Variants in ZNF436 observed in about 807,000 individuals in gnomAD.
ZNF436 encodes the protein zinc finger protein 436.
ZNF436 carries 22 observed loss-of-function variants against 41.9 expected under a neutral mutation model. The observed-to-expected ratio is 0.53, with a 90% confidence interval of 0.38 to 0.75. The LOEUF (loss-of-function observed/expected upper bound fraction) is 0.75. Among genes scored for constraint, ZNF436 ranks in the 30% least tolerant of loss-of-function variants. The probability of loss-of-function intolerance (pLI) is 0.00; values close to 1 mark genes in which losing one functional copy is unlikely to be tolerated. For synonymous variants in ZNF436, 217 were observed against 197.8 expected, an observed-to-expected ratio of 1.10 and a Z score of -0.82; for missense variants, 506 against 587.3, an observed-to-expected ratio of 0.86 and a Z score of 1.43.
rs529377302 is a variant in ZNF436 at position 23,367,127 on chromosome 1, C to G, written c.75G>C (p.Arg25=). The change falls in exon 3 of 4, where the codon CGG becomes CGC. Residue 25 remains arginine (R), a synonymous_variant. Coordinates refer to ENST00000314011, the MANE Select transcript of ZNF436 (RefSeq NM_001077195.2). ...TFEDMAMYLT[R]EEWRPLDAAQ... Reference sequence around the variant, plus strand: ...CAGCGTCCAGAGGTCTCCATTCTTCCCGGGTGAGATACATGGCCATATCTT... The same window carrying G: ...CAGCGTCCAGAGGTCTCCATTCTTCGCGGGTGAGATACATGGCCATATCTT... 9.3e-6 allele frequency: 15 copies of G among 1,613,586 alleles called. No homozygotes were observed. The South Asian group carries it at 1.5e-4, about 17-fold the overall frequency.
intron 3 of ZNF436, 29 bp from the exon 4 acceptor site, chr1:23,363,250 G>GT (rs1288410681): frequency 6.3e-7 from 1 of 1,578,130 alleles, no homozygotes; most frequent in Admixed American, 1.8e-5. Context: ...AATAAGACTA[G>GT]TAAGTACAAA....
rs772395778 is a variant in ZNF436, at chr1:23,362,339, T to C, written c.1043A>G (p.His348Arg). The change falls in exon 4 of 4, where the codon CAC becomes CGC. Residue 348 changes from histidine to arginine, a missense_variant. Physicochemically the swap from His to Arg is conservative, Grantham distance 29. Around this residue, in one of 2 missense-constraint regions of ZNF436, gnomAD observed 278 missense variants for 372.1 expected, o/e 0.75. Transcript: ENST00000314011. ...GTGAGTTCTCTGGTGCTGAACCAAG[T>C]GTGAGATGCGGCTGAAATTTTCCCC... The part of the protein sequence containing the change: ...ECGENFSRIS[H>R]LVQHQRTHTG... 1.9e-6 allele frequency: 3 copies of C among 1,613,786 alleles called. No individual in the cohort carries two copies. Among genetic ancestry groups the C allele is most frequent in the Non-Finnish European group, 2.5e-6 (3 of 1,179,956 alleles).
intron 3 of ZNF436, among the ~76,000 whole-genome samples, chr1:23,365,774 C>A (rs1304244907): frequency 6.6e-6 from 1 of 151,176 alleles, no homozygotes; most frequent in African/African-American, 2.4e-5. Flanking sequence ...AAGAATTAGC[C>A]GGGCAAGGTG....
At chr1:23,365,252 C>T (rs10917373) in intron 3 of ZNF436, among the ~76,000 whole-genome samples, 88,139 of 150,600 alleles carry the variant, frequency 0.59, 29,623 homozygotes, top group Non-Finnish European at 0.74. Context: ...AAAAACTAGC[C>T]GAGTGTGGTG....
chr1:23,366,977 G>A, intron 3 of ZNF436, 65 bp downstream of exon 3: 1 of 1,567,450 alleles, frequency 6.4e-7, no homozygotes, highest in Non-Finnish European at 8.7e-7. Flanking sequence ...TGTGTTGAAA[G>A]AACTAAGTCA....
intron 3 of ZNF436, 97 bp downstream of exon 3, chr1:23,366,945 T>A: frequency 7.2e-7 from 1 of 1,387,726 alleles, no homozygotes; most frequent in Non-Finnish European, 9.7e-7. Flanking sequence ...ATTAAGTGCT[T>A]TAAAAAATCA....
chr1:23,369,178 C>T, intron 1 of ZNF436, 188 bp downstream of exon 1: 3 of 385,518 alleles, frequency 7.8e-6, no homozygotes, highest in Non-Finnish European at 5.4e-6. Context: ...CAGGCCCCTG[C>T]GGGGGGGGCG....
rs985501967 is a variant in ZNF436 at position 23,362,357 on chromosome 1, T to C, written c.1025A>G (p.Asn342Ser). ...AACCAAGTGTGAGATGCGGCTGAAA[T>C]TTTCCCCACATTCGTTACAGTGGTA... ...KPYHCNECGE[N>S]FSRISHLVQH... is the part of the protein sequence containing the mutation. The change falls in exon 4 of 4, where the codon AAT becomes AGT. Residue 342 changes from asparagine (N) to serine (S), a missense_variant. By Grantham distance (46) the Asn-to-Ser change is conservative. This residue lies in a region of ZNF436 where 278 missense variants were observed against 372.1 expected (regional missense o/e 0.75). Transcript: ENST00000314011. The C allele has an allele frequency of 2.5e-6, 4 of 1,610,412 alleles. No homozygotes were observed. Among genetic ancestry groups the C allele is most frequent in the South Asian group, 1.1e-5 (1 of 90,888 alleles).
intron 2 of ZNF436, among the ~76,000 whole-genome samples, chr1:23,367,733 T>TAGA (rs1367903612): frequency 6.6e-6 from 1 of 152,246 alleles, no homozygotes; most frequent in African/African-American, 2.4e-5. Context: ...AGCTGTGAGC[T>TAGA]AGAAGGTAGC....
chr1:23,368,836 C>T (rs1402939786), intron 1 of ZNF436, among the ~76,000 whole-genome samples: 1 of 152,212 alleles, frequency 6.6e-6, no homozygotes. Context: ...GCCCACTCCC[C>T]AGGGGAGACT....
chr1:23,368,006 C>T lies in ZNF436; in HGVS notation c.-1G>A, dbSNP rs1313223694. 1 of 1,614,008 alleles carries T rather than the reference C, an allele frequency of 6.2e-7. No individual in the cohort carries two copies. The highest frequency in any genetic ancestry group is 8.5e-7 in the Non-Finnish European group (1 of 1,180,030). On this transcript the variant is annotated 5_prime_UTR_variant, in exon 2 of 4. Coordinates refer to ENST00000314011, the MANE Select transcript of ZNF436 (RefSeq NM_001077195.2). ...CAGCCATGAGCAGGGTGGCTGCCAT[C>T]TCGAGCACAAGGGTTCGCCTCCAGG...
chr1:23,365,199 C>T (rs1464291412), intron 3 of ZNF436, among the ~76,000 whole-genome samples: 2 of 151,168 alleles, frequency 1.3e-5, no homozygotes, highest in African/African-American at 4.9e-5. Flanking sequence ...CGAGACCATC[C>T]TGGCTAACAC....
intron 2 of ZNF436, among the ~76,000 whole-genome samples, chr1:23,367,612 T>C (rs1485998619): frequency 1.3e-5 from 2 of 152,208 alleles, no homozygotes; most frequent in African/African-American, 2.4e-5. Flanking sequence ...GCCGACTTCT[T>C]GGGAGTGATT....
chr1:23,369,607 G>A lies in ZNF436; in HGVS notation c.-302C>T. 1.9e-6 allele frequency: 1 copy of A among 530,170 alleles called. No homozygotes were observed. Among genetic ancestry groups the A allele is most frequent in the South Asian group, 1.4e-5 (1 of 71,476 alleles). The allele number at this position is 530,170 out of a possible 1,614,324, so 32.8% of individuals were successfully genotyped here. A position where few individuals can be genotyped will look rare whatever the true frequency, so the allele number is the denominator to read the frequency against. ...TCCCGAGGCCTCAGACTCGCAGGCA[G>A]CTCAGAAACCACAGGCTCATAGGCA... On this transcript the variant is annotated 5_prime_UTR_variant, in exon 1 of 4. Coordinates refer to ENST00000314011, the MANE Select transcript of ZNF436 (RefSeq NM_001077195.2).
chr1:23,367,139 C>CA lies in ZNF436; in HGVS notation c.62dup (p.Met21IlefsTer36). The CA allele has an allele frequency of 6.2e-7, 1 of 1,613,432 alleles. No homozygotes were observed. The highest frequency in any genetic ancestry group is 8.5e-7 in the Non-Finnish European group (1 of 1,179,624). On this transcript the variant is annotated frameshift_variant, in exon 3 of 4. Coordinates refer to ENST00000314011, the MANE Select transcript of ZNF436 (RefSeq NM_001077195.2). LOFTEE classifies it high-confidence loss of function. ...GTCTCCATTCTTCCCGGGTGAGATA[C>CA]ATGGCCATATCTTCAAACGTCACAG...
chr1:23,368,253 A>G (rs1191209527), intron 1 of ZNF436, 188 bp from the exon 2 acceptor site: 3 of 556,204 alleles, frequency 5.4e-6, no homozygotes, highest in Non-Finnish European at 9.7e-6. Flanking sequence ...CAATGCCGGA[A>G]TCTACTAGGA....
At chr1:23,366,924 G>T in intron 3 of ZNF436, 118 bp downstream of exon 3, 1 of 1,201,488 alleles carries the variant, frequency 8.3e-7, no homozygotes. Flanking sequence ...CTCAAGTCAA[G>T]CCAATATCCA....
Position 23,361,071 on chromosome 1 carries a change from C to G in ZNF436, c.*898G>C, listed in dbSNP as rs552597457. The G allele has an allele frequency of 6.6e-6, 1 of 152,396 alleles. No individual in the cohort carries two copies. Among genetic ancestry groups the G allele is most frequent in the South Asian group, 2.1e-4 (1 of 4,832 alleles). The allele number at this position is 152,396 out of a possible 1,614,324, so 9.4% of individuals were successfully genotyped here. ...GATTAGAAGGGAAAGAACACAGAAACGACCTACATTCCTTGGGAAGGGACT... is the reference window on the plus strand; with the variant it reads ...GATTAGAAGGGAAAGAACACAGAAAGGACCTACATTCCTTGGGAAGGGACT... On this transcript the variant is annotated 3_prime_UTR_variant, in exon 4 of 4. Coordinates refer to ENST00000314011, the MANE Select transcript of ZNF436 (RefSeq NM_001077195.2).
At chr1:23,366,005 C>T (rs560814168) in intron 3 of ZNF436, among the ~76,000 whole-genome samples, 1 of 151,518 alleles carries the variant, frequency 6.6e-6, no homozygotes, top group South Asian at 2.1e-4. Flanking sequence ...TTTTTTGGCG[C>T]TTTCATCCTT....
Sources: allele counts gnomAD v4.1 joint callset (sites outside exome capture counted in the v4.1 genomes callset), GRCh38; gene constraint gnomAD v4.1.1; regional missense constraint gnomAD v4.1.1; transcripts MANE v1.5; gene names NCBI Gene and HGNC (gene_info 2026-07-23, HGNC 2026-07-21).